Variants in CNTNAP2 observed in about 807,000 individuals in gnomAD.
CNTNAP2 encodes contactin-associated protein-like 2.
CNTNAP2 carries 98 observed loss-of-function variants against 155.2 expected under a neutral mutation model. That is an observed-to-expected ratio of 0.63 (90% CI 0.54 to 0.75). The LOEUF (loss-of-function observed/expected upper bound fraction) is 0.75. CNTNAP2 is among the 30% of genes least tolerant of loss of function. The probability of loss-of-function intolerance (pLI) is 0.00; values close to 1 mark genes in which losing one functional copy is unlikely to be tolerated. For synonymous variants in CNTNAP2, 651 were observed against 631.2 expected, an observed-to-expected ratio of 1.03 and a Z score of -0.47; for missense variants, 1,727 against 1,688.1, an observed-to-expected ratio of 1.02 and a Z score of -0.40.
At chr7:147,444,739 G>GC (rs1004304015) in intron 10 of CNTNAP2, among the ~76,000 whole-genome samples, 1 of 152,118 alleles carries the variant, frequency 6.6e-6, no homozygotes, top group Non-Finnish European at 1.5e-5. Flanking sequence ...CAGGGAGATA[G>GC]CAAGTGCAGG....
In CNTNAP2 at chr7:146,116,918, G is replaced by T. The variant is rs1363186355; in HGVS notation, c.42G>T (p.Leu14=). Residue 14 remains leucine (L), a synonymous_variant, in exon 1 of 24, where the codon CTG becomes CTT. Coordinates refer to ENST00000361727, the MANE Select transcript of CNTNAP2 (RefSeq NM_014141.6). The surrounding 1 kb of genome is among the most constrained non-coding windows in gnomAD (Gnocchi z 5.5). ...APRAGCGAAL[L]LWIVSSCLCR... is the part of the protein sequence containing the mutation. ...GCGCCGGCTGCGGGGCAGCGCTCCTGCTGTGGATTGTCAGCAGCTGCCTCT... is the reference window on the plus strand; with the variant it reads ...GCGCCGGCTGCGGGGCAGCGCTCCTTCTGTGGATTGTCAGCAGCTGCCTCT... 3.2e-6 allele frequency: 5 copies of T among 1,552,150 alleles called. No individual in the cohort carries two copies. The highest frequency in any genetic ancestry group is 4.4e-6 in the Non-Finnish European group (5 of 1,147,456).
At chr7:146,232,372 T>C (rs1799400967) in intron 1 of CNTNAP2, among the ~76,000 whole-genome samples, 1 of 151,874 alleles carries the variant, frequency 6.6e-6, no homozygotes, top group South Asian at 2.1e-4. Context: ...GTTTTTCCTC[T>C]GGAAAAGGTA....
At chr7:146,855,807 GTATATATATATATATATATATATA>G (rs367900395) in intron 3 of CNTNAP2, among the ~76,000 whole-genome samples, 1,241 of 111,074 alleles carry the variant, frequency 0.011, 30 homozygotes, top group African/African-American at 0.035. Context: ...GTGTTAATGA[GTATATATATATATATATATATATA>G]TATATATATA....
intron 1 of CNTNAP2, among the ~76,000 whole-genome samples, chr7:146,315,677 T>A (rs1800894479): frequency 6.6e-6 from 1 of 152,230 alleles, no homozygotes; most frequent in Non-Finnish European, 1.5e-5. Context: ...ACATTTTGTT[T>A]ATACATTTGT....
chr7:146,264,463 A>AAAAG (rs142002504), intron 1 of CNTNAP2, among the ~76,000 whole-genome samples: 32 of 152,158 alleles, frequency 2.1e-4, no homozygotes, highest in East Asian at 9.7e-4. Flanking sequence ...AAATAAAAAA[A>AAAAG]AAAGAAAGAA....
At position 147,435,290 on chromosome 7, in the gene CNTNAP2, G is replaced by T. The variant is rs1291336367; in HGVS notation, c.1670+39510G>T. Among the ~76,000 whole-genome samples, 3 of 152,254 alleles carry T rather than the reference G, an allele frequency of 2.0e-5. No homozygotes were observed. In the East Asian group the frequency reaches 5.8e-4, roughly 29 times the overall value. On this transcript the variant is annotated intron_variant, in intron 10 of 23. Transcript: ENST00000361727. ...TTATTAAGATAATAACTGCACGAGAGCCATCACAGCAGCAGAGGTAAGGAT... is the reference window on the plus strand; with the variant it reads ...TTATTAAGATAATAACTGCACGAGATCCATCACAGCAGCAGAGGTAAGGAT...
chr7:147,446,386 G>C (rs1186665556), intron 10 of CNTNAP2, among the ~76,000 whole-genome samples: 2 of 152,138 alleles, frequency 1.3e-5, no homozygotes, highest in Admixed American at 1.3e-4. Context: ...AGCTGGGAGA[G>C]TCCTTAAGTG....
intron 15 of CNTNAP2, among the ~76,000 whole-genome samples, chr7:148,080,387 C>G (rs1276755163): frequency 6.6e-6 from 1 of 151,944 alleles, no homozygotes; most frequent in Non-Finnish European, 1.5e-5. Flanking sequence ...AGGCGGATCA[C>G]GAGGTCAGGA....
chr7:146,567,222 G>A (rs936666050), intron 1 of CNTNAP2, among the ~76,000 whole-genome samples: 7 of 152,072 alleles, frequency 4.6e-5, no homozygotes, highest in African/African-American at 1.7e-4. Flanking sequence ...TTCATTTTTT[G>A]TCTGCCTTGG....
chr7:147,568,651 A>AATATAAACTATC (rs1800222903), intron 12 of CNTNAP2, among the ~76,000 whole-genome samples: 1 of 152,138 alleles, frequency 6.6e-6, no homozygotes, highest in Non-Finnish European at 1.5e-5. Flanking sequence ...AACTTTTGTG[A>AATATAAACTATC]ATATAAACTA....
chr7:147,920,208 T>C (rs1280194944), intron 14 of CNTNAP2, among the ~76,000 whole-genome samples: 1 of 151,622 alleles, frequency 6.6e-6, no homozygotes, highest in Admixed American at 6.6e-5. Context: ...ATACAAAAAT[T>C]AGCTGGGCGT....
At chr7:146,295,763 T>C (rs1002708268) in intron 1 of CNTNAP2, among the ~76,000 whole-genome samples, 4 of 151,904 alleles carry the variant, frequency 2.6e-5, no homozygotes. Context: ...GCAGAAATAA[T>C]TGTTAAAAAT....
At chr7:148,063,176 T>C (rs766178248) in intron 15 of CNTNAP2, among the ~76,000 whole-genome samples, 11 of 152,142 alleles carry the variant, frequency 7.2e-5, no homozygotes, top group Non-Finnish European at 1.6e-4. Flanking sequence ...GTGGTCCTAC[T>C]GTCTTCTGGA....
chr7:146,998,501 C>T (rs940315162), intron 3 of CNTNAP2, among the ~76,000 whole-genome samples: 4 of 151,950 alleles, frequency 2.6e-5, no homozygotes, highest in Non-Finnish European at 5.9e-5. Flanking sequence ...GTGTATTCTG[C>T]AGCTGTTGGA....
At chr7:146,682,343 T>C (rs1800519733) in intron 1 of CNTNAP2, among the ~76,000 whole-genome samples, 1 of 152,164 alleles carries the variant, frequency 6.6e-6, no homozygotes, top group African/African-American at 2.4e-5. Flanking sequence ...AAAGGTTATA[T>C]TACATTAATC....
intron 1 of CNTNAP2, among the ~76,000 whole-genome samples, chr7:146,609,748 T>C (rs1799103973): frequency 6.6e-6 from 1 of 152,242 alleles, no homozygotes; most frequent in Non-Finnish European, 1.5e-5. Context: ...CAAAATGCAC[T>C]TTGCATGGCA....
chr7:148,138,436 A>G (rs1242928329), intron 16 of CNTNAP2, among the ~76,000 whole-genome samples: 1 of 152,164 alleles, frequency 6.6e-6, no homozygotes, highest in Non-Finnish European at 1.5e-5. Context: ...AAAGCCATGT[A>G]TTTTGATGAA....
chr7:148,008,329 G>A lies in CNTNAP2; in HGVS notation c.2383+30340G>A, dbSNP rs140360001. 7.0e-3 allele frequency among the ~76,000 whole-genome samples: 1,058 copies of A among 152,184 alleles called. 9 individuals carry two copies. The highest frequency in any genetic ancestry group is 0.027 in the Middle Eastern group (8 of 294). On this transcript the variant is annotated intron_variant, in intron 15 of 23. Transcript: ENST00000361727. ...AGAGGTTGCAGTGAGTGGAGATCAC[G>A]CCACTACACTCCAGCCTGGGTGACA...
At chr7:148,215,753 G>A (rs748240580) in intron 18 of CNTNAP2, among the ~76,000 whole-genome samples, 5 of 151,976 alleles carry the variant, frequency 3.3e-5, no homozygotes, top group Non-Finnish European at 5.9e-5. Flanking sequence ...TTTTAGGGAC[G>A]AAATTGAGGC....
Sources: gnomAD v4.1 joint callset for allele counts (sites outside exome capture counted in the v4.1 genomes callset) on GRCh38, gnomAD v4.1.1 for gene constraint, Gnocchi (gnomAD v3.1) non-coding constraint, MANE v1.5 for transcripts, NCBI Gene and HGNC (gene_info 2026-07-23, HGNC 2026-07-21) for gene names.